The following GPHN variants were observed in gnomAD, a reference collection of about 807,000 sequenced individuals.
The protein encoded by GPHN is gephyrin.
GPHN carries 17 observed loss-of-function variants against 95.5 expected under a neutral mutation model. The observed-to-expected ratio is 0.18, with a 90% CI of 0.12 to 0.27. The LOEUF is 0.27. Among genes scored for constraint, GPHN ranks in the 10% least tolerant of loss-of-function variants. The pLI is 1.00. For missense variants in GPHN, 660 were observed against 978.1 expected (o/e 0.67, Z 4.34); for synonymous variants, 320 against 322.5 (o/e 0.99, Z 0.08).
chr14:67,115,707 C>T (rs1326044722), intron 16 of GPHN, among the ~76,000 whole-genome samples: 1 of 151,612 alleles, frequency 6.6e-6, no homozygotes, highest in Non-Finnish European at 1.5e-5. Context: ...GGCACTCCAG[C>T]CTGGGTGAGA....
chr14:67,534,309 T>G, the GPHN span, among the ~76,000 whole-genome samples: 1 of 152,172 alleles, frequency 6.6e-6, no homozygotes, highest in Non-Finnish European at 1.5e-5. Context: ...CCAGTTGCAG[T>G]GGCTTATGCC....
At chr14:66,627,496 CA>C (rs1210364450) in intron 1 of GPHN, among the ~76,000 whole-genome samples, 1 of 151,884 alleles carries the variant, frequency 6.6e-6, no homozygotes, top group Non-Finnish European at 1.5e-5. Context: ...TTGCTTGTTT[CA>C]TAATTTTTAC....
At chr14:67,497,383 A>G in the GPHN span, among the ~76,000 whole-genome samples, 1 of 152,088 alleles carries the variant, frequency 6.6e-6, no homozygotes, top group Non-Finnish European at 1.5e-5. Flanking sequence ...CCGAGAACGC[A>G]GGTATCCCAG....
intron 2 of GPHN, among the ~76,000 whole-genome samples, chr14:66,709,132 G>C (rs972021774): frequency 6.6e-6 from 1 of 152,054 alleles, no homozygotes; most frequent in African/African-American, 2.4e-5. Flanking sequence ...TTAATATAAT[G>C]CCTCTTTCTG....
intron 1 of GPHN, among the ~76,000 whole-genome samples, chr14:66,518,173 T>A (rs2058330365): frequency 6.7e-6 from 1 of 149,054 alleles, no homozygotes; most frequent in East Asian, 2.0e-4. Context: ...TGCAATCTGA[T>A]TAAAAAAAGA....
At chr14:67,232,261 T>A in the GPHN span, among the ~76,000 whole-genome samples, 1 of 152,208 alleles carries the variant, frequency 6.6e-6, no homozygotes, top group South Asian at 2.1e-4. Context: ...AGCTGTCACA[T>A]CCTTAGATCA....
chr14:67,620,082 A>T, the GPHN span: 1 of 1,602,030 alleles, frequency 6.2e-7, no homozygotes, highest in Non-Finnish European at 8.5e-7. Flanking sequence ...CGTTCTCACA[A>T]GGGCAGGTGA....
At chr14:66,849,655 G>T (rs1172025551) in intron 4 of GPHN, among the ~76,000 whole-genome samples, 1 of 152,016 alleles carries the variant, frequency 6.6e-6, no homozygotes, top group Non-Finnish European at 1.5e-5. Context: ...ATATTGTAGA[G>T]TAATTTAAAC....
At position 66,729,831 on chromosome 14, in the gene GPHN, GA is replaced by G. The variant is rs2071606655; in HGVS notation, c.144-46630del. 2.0e-5 allele frequency among the ~76,000 whole-genome samples: 3 copies of G among 152,226 alleles called. No homozygotes were observed. The South Asian group carries it at 6.2e-4, about 31-fold the overall frequency. ...GGCACTGATAGTCAATGGGTTGTCAGAAAGAAGAGTAGTAATTCCCATTTTT... is the reference window on the plus strand; with the variant it reads ...GGCACTGATAGTCAATGGGTTGTCAGAAGAAGAGTAGTAATTCCCATTTTT... On this transcript the variant is annotated intron_variant, in intron 2 of 22. Transcript: ENST00000478722.
the GPHN span, among the ~76,000 whole-genome samples, chr14:67,540,481 G>T: frequency 1.3e-5 from 2 of 151,942 alleles, no homozygotes; most frequent in South Asian, 4.2e-4. Context: ...CAAAAAATTA[G>T]CCAGGCTTGA....
At chr14:67,215,651 T>G in the GPHN span, among the ~76,000 whole-genome samples, 1 of 152,148 alleles carries the variant, frequency 6.6e-6, no homozygotes, top group East Asian at 1.9e-4. Context: ...GTGGAAAACA[T>G]ACCTTTCACT....
chr14:67,557,683 C>T, the GPHN span, among the ~76,000 whole-genome samples: 1 of 152,360 alleles, frequency 6.6e-6, no homozygotes, highest in Non-Finnish European at 1.5e-5. Context: ...CACCTGCTGC[C>T]TCTGACAGTG....
rs534418118 is a variant in GPHN, at chr14:66,835,755, A to C, written c.294+11189A>C. Among the ~76,000 whole-genome samples, 4 of 151,986 alleles carry C rather than the reference A, an allele frequency of 2.6e-5. 1 individual carries two copies. The South Asian group carries it at 8.3e-4, about 32-fold the overall frequency. On this transcript the variant is annotated intron_variant, in intron 4 of 22. Coordinates refer to ENST00000478722, the MANE Select transcript of GPHN (RefSeq NM_020806.5). ...TAAGCAACTTCAGCAAAGTCTCAGGATACAAAATCAATGTGCAAAAATCAC... is the reference window on the plus strand; with the variant it reads ...TAAGCAACTTCAGCAAAGTCTCAGGCTACAAAATCAATGTGCAAAAATCAC...
chr14:66,856,858 G>C (rs1044766677), intron 4 of GPHN, among the ~76,000 whole-genome samples: 1 of 151,928 alleles, frequency 6.6e-6, no homozygotes, highest in East Asian at 1.9e-4. Context: ...AATCACAAAA[G>C]ATTATATGGT....
chr14:66,870,516 C>T (rs562511663), intron 4 of GPHN, among the ~76,000 whole-genome samples: 1 of 152,228 alleles, frequency 6.6e-6, no homozygotes, highest in Admixed American at 6.5e-5. Flanking sequence ...AGATGTTGAA[C>T]CAGCAATATG....
At chr14:67,160,022 C>G (rs1046710785) in intron 19 of GPHN, among the ~76,000 whole-genome samples, 3 of 152,148 alleles carry the variant, frequency 2.0e-5, no homozygotes, top group African/African-American at 7.2e-5. Context: ...ACTTTAATAT[C>G]ATCTAATACC....
chr14:67,396,835 A>G, the GPHN span, among the ~76,000 whole-genome samples: 1 of 152,258 alleles, frequency 6.6e-6, no homozygotes, highest in Non-Finnish European at 1.5e-5. Context: ...TCCCAATAAA[A>G]TCAGCAACTC....
At chr14:67,592,189 C>A in the GPHN span, 1 of 235,664 alleles carries the variant, frequency 4.2e-6, no homozygotes. Context: ...AATCCCAACA[C>A]TTTGGGAGGC....
chr14:66,921,926 T>C (rs2066238331), intron 6 of GPHN, among the ~76,000 whole-genome samples: 1 of 152,126 alleles, frequency 6.6e-6, no homozygotes, highest in Admixed American at 6.6e-5. Flanking sequence ...AGCCAACTGA[T>C]CTTCGACAAA....
Sources: allele counts gnomAD v4.1 joint callset (sites outside exome capture counted in the v4.1 genomes callset), GRCh38; gene constraint gnomAD v4.1.1; transcripts MANE v1.5; gene names NCBI Gene and HGNC (gene_info 2026-07-23, HGNC 2026-07-21).